The following KCMF1 variants were observed in gnomAD, a reference collection of about 807,000 sequenced individuals.
The protein encoded by KCMF1 is E3 ubiquitin-protein ligase KCMF1.
In KCMF1, 3 loss-of-function variants were observed where a neutral mutation model predicts 41.1. That is an observed-to-expected ratio of 0.07 (90% confidence interval 0.03 to 0.19). KCMF1 has a LOEUF of 0.19. Ranked by LOEUF, KCMF1 falls within the 10% of genes least tolerant of loss-of-function variation. The pLI, the probability that KCMF1 is intolerant of heterozygous loss-of-function variation, is 1.00. For missense variants in KCMF1, 286 were observed against 488.9 expected (o/e 0.58, Z 3.91); for synonymous variants, 142 against 164.5 (o/e 0.86, Z 1.04).
At chr2:84,996,910 G>T (rs1243958985) in intron 1 of KCMF1, among the ~76,000 whole-genome samples, 7 of 152,096 alleles carry the variant, frequency 4.6e-5, no homozygotes, top group African/African-American at 1.7e-4. Flanking sequence ...AACCTAGACG[G>T]TATAGCCTAC....
chr2:84,981,423 T>G (rs1211570919), intron 1 of KCMF1, among the ~76,000 whole-genome samples: 7 of 151,872 alleles, frequency 4.6e-5, no homozygotes, highest in Non-Finnish European at 1.0e-4. Flanking sequence ...TCTCCTGACC[T>G]CGTGATCCAC....
At chr2:85,030,850 C>T (rs1020330353) in intron 2 of KCMF1, among the ~76,000 whole-genome samples, 1 of 152,210 alleles carries the variant, frequency 6.6e-6, no homozygotes, top group Admixed American at 6.5e-5. Flanking sequence ...GTGGAAGCCA[C>T]CACGCCTAGC....
intron 1 of KCMF1, among the ~76,000 whole-genome samples, chr2:85,008,362 T>TAA (rs1452767371): frequency 1.2e-4 from 1 of 8,356 alleles, no homozygotes; most frequent in African/African-American, 1.8e-4. Context: ...ATAATATATA[T>TAA]TATATATCAT....
At chr2:85,038,915 T>C (rs1365727657) in intron 3 of KCMF1, among the ~76,000 whole-genome samples, 2 of 152,228 alleles carry the variant, frequency 1.3e-5, no homozygotes, top group African/African-American at 2.4e-5. Flanking sequence ...AGACTTCGTC[T>C]CACCGTGTGG....
intron 1 of KCMF1, among the ~76,000 whole-genome samples, chr2:85,025,915 G>T (rs576631563): frequency 1.3e-5 from 2 of 151,906 alleles, no homozygotes; most frequent in Admixed American, 1.3e-4. Flanking sequence ...GCTGTATTTG[G>T]GTTTTCAGCA....
intron 1 of KCMF1, among the ~76,000 whole-genome samples, chr2:84,989,965 G>A (rs1406812810): frequency 6.6e-6 from 1 of 152,212 alleles, no homozygotes; most frequent in Non-Finnish European, 1.5e-5. Flanking sequence ...TTGAGCATTG[G>A]AGGAGCAGGA....
At chr2:84,978,115 A>G (rs531374983) in intron 1 of KCMF1, among the ~76,000 whole-genome samples, 1 of 151,682 alleles carries the variant, frequency 6.6e-6, no homozygotes, top group Admixed American at 6.6e-5. Context: ...CTCCTGCCTC[A>G]GCCTCTCGAG....
rs183188237 is a variant in KCMF1 at position 85,046,230 on chromosome 2, C to G, written c.553C>G (p.Gln185Glu). ...TTCTACTGGTGGACTTTCTTCTTCT[C>G]AGAGTTCATATTCTCCAAGCAATAG... is the stretch of plus-strand genomic sequence containing the variant. Reference protein sequence around the residue: ...SSSTGGLSSSQSSYSPSNREA... With the variant: ...SSSTGGLSSSESSYSPSNREA... The change falls in exon 5 of 7, where the codon CAG (glutamine) becomes GAG (glutamate). Residue 185 changes from glutamine (Q) to glutamate (E), a missense_variant. This residue lies in a region of KCMF1 where 191 missense variants were observed against 279.3 expected (regional missense o/e 0.68). Transcript: ENST00000409785. 5 of 1,613,274 alleles carry G rather than the reference C, an allele frequency of 3.1e-6. No individual in the cohort carries two copies. Among genetic ancestry groups the G allele is most frequent in the Non-Finnish European group, 4.2e-6 (5 of 1,179,536 alleles).
chr2:84,978,544 A>G (rs1673614535), intron 1 of KCMF1, among the ~76,000 whole-genome samples: 1 of 149,762 alleles, frequency 6.7e-6, no homozygotes, highest in African/African-American at 2.5e-5. Flanking sequence ...ACATGTGCAC[A>G]ATGTATTTGG....
chr2:85,053,708 A>G lies in KCMF1; in HGVS notation c.*299A>G. ...ACTGAAGAGGAAAATTGAAATCTCTAATGAAGCTGCTGTGTGTATTTATGA... is the reference window on the plus strand; with the variant it reads ...ACTGAAGAGGAAAATTGAAATCTCTGATGAAGCTGCTGTGTGTATTTATGA... On this transcript the variant is annotated 3_prime_UTR_variant, in exon 7 of 7. Coordinates refer to ENST00000409785, the MANE Select transcript of KCMF1 (RefSeq NM_020122.5). 2 of 273,270 alleles carry G rather than the reference A, an allele frequency of 7.3e-6. No individual in the cohort carries two copies. Among genetic ancestry groups the G allele is most frequent in the Non-Finnish European group, 1.4e-5 (2 of 144,774 alleles). 16.9% of individuals were successfully genotyped at this position (273,270 alleles called of 1,614,324 possible). A position where few individuals can be genotyped will look rare whatever the true frequency, so the allele number is the denominator to read the frequency against.
At chr2:85,016,749 T>C (rs1404836406) in intron 1 of KCMF1, among the ~76,000 whole-genome samples, 2 of 151,344 alleles carry the variant, frequency 1.3e-5, no homozygotes, top group Admixed American at 6.6e-5. Flanking sequence ...CTGGAGCACA[T>C]TGGCACAATT....
At chr2:85,002,351 A>T (rs750797571) in intron 1 of KCMF1, among the ~76,000 whole-genome samples, 5 of 152,206 alleles carry the variant, frequency 3.3e-5, no homozygotes, top group Non-Finnish European at 7.3e-5. Flanking sequence ...TTGACAGAGC[A>T]TTCACTGTAC....
intron 1 of KCMF1, among the ~76,000 whole-genome samples, chr2:85,024,581 A>AGT (rs1241974251): frequency 5.8e-5 from 8 of 137,508 alleles, no homozygotes; most frequent in African/African-American, 1.3e-4. Context: ...AGAGAGAGAG[A>AGT]GAGTGTGTGT....
At chr2:85,040,345 T>C (rs1316855802) in intron 3 of KCMF1, among the ~76,000 whole-genome samples, 1 of 152,148 alleles carries the variant, frequency 6.6e-6, no homozygotes, top group Non-Finnish European at 1.5e-5. Context: ...TGTGTCGAGT[T>C]TTCCTGTCCT....
chr2:84,993,169 A>G (rs1453848697), intron 1 of KCMF1, among the ~76,000 whole-genome samples: 1 of 151,814 alleles, frequency 6.6e-6, no homozygotes, highest in Non-Finnish European at 1.5e-5. Flanking sequence ...CCCAGGCAAT[A>G]GAGTGAGACC....
intron 1 of KCMF1, among the ~76,000 whole-genome samples, chr2:84,984,028 A>G (rs1037364979): frequency 2.0e-5 from 3 of 152,180 alleles, no homozygotes; most frequent in Non-Finnish European, 4.4e-5. Flanking sequence ...GTTGAAAAAC[A>G]TATTCACATT....
At chr2:85,003,724 A>G (rs1181237624) in intron 1 of KCMF1, among the ~76,000 whole-genome samples, 1 of 152,116 alleles carries the variant, frequency 6.6e-6, no homozygotes, top group Non-Finnish European at 1.5e-5. Context: ...GGCGTGAGCT[A>G]CCACACCTGG....
At chr2:85,034,889 TG>T in intron 2 of KCMF1, 126 bp from the exon 3 acceptor site, 2 of 729,712 alleles carry the variant, frequency 2.7e-6, no homozygotes, top group Non-Finnish European at 4.3e-6. Context: ...CCCAACGTGC[TG>T]GGATTGCAGG....
chr2:85,011,005 A>G (rs1410178917), intron 1 of KCMF1, among the ~76,000 whole-genome samples: 2 of 151,990 alleles, frequency 1.3e-5, no homozygotes, highest in Admixed American at 6.6e-5. Flanking sequence ...CACCACGCCC[A>G]GCCAATTTTT....
Sources: allele counts gnomAD v4.1 joint callset (sites outside exome capture counted in the v4.1 genomes callset), GRCh38; gene constraint gnomAD v4.1.1; regional missense constraint gnomAD v4.1.1; transcripts MANE v1.5; gene names NCBI Gene and HGNC (gene_info 2026-07-23, HGNC 2026-07-21).